The following EPHA4 variants were observed in gnomAD, a reference collection of about 807,000 sequenced individuals.
EPHA4 encodes ephrin type-A receptor 4.
A neutral mutation model predicts 108.3 loss-of-function variants in EPHA4; 19 were observed. That is an observed-to-expected ratio of 0.18 (90% confidence interval 0.12 to 0.26). EPHA4 has a LOEUF of 0.26. EPHA4 is among the 10% of genes least tolerant of loss of function. The pLI, the probability that EPHA4 is intolerant of heterozygous loss-of-function variation, is 1.00. For synonymous variants in EPHA4, 449 were observed against 455.5 expected, an observed-to-expected ratio of 0.99 and a Z score of 0.18; for missense variants, 917 against 1,254.0, an observed-to-expected ratio of 0.73 and a Z score of 4.06.
At chr2:221,526,308 T>C (rs1337452638) in intron 3 of EPHA4, among the ~76,000 whole-genome samples, 1 of 152,102 alleles carries the variant, frequency 6.6e-6, no homozygotes, top group Non-Finnish European at 1.5e-5. Flanking sequence ...CATTTTAAGC[T>C]ACGGAAACTG....
chr2:221,536,430 C>T (rs920886998), intron 3 of EPHA4, among the ~76,000 whole-genome samples: 10 of 152,202 alleles, frequency 6.6e-5, no homozygotes, highest in South Asian at 6.2e-4. Flanking sequence ...GATTACCGGC[C>T]TTACGATGCT....
At chr2:221,434,690 T>A (rs1189722384) in intron 13 of EPHA4, among the ~76,000 whole-genome samples, 1 of 152,212 alleles carries the variant, frequency 6.6e-6, no homozygotes, top group African/African-American at 2.4e-5. Flanking sequence ...ATGCTTACAC[T>A]GCTTCAAAAA....
At chr2:221,511,335 C>A (rs1427567069) in intron 3 of EPHA4, among the ~76,000 whole-genome samples, 5 of 152,154 alleles carry the variant, frequency 3.3e-5, no homozygotes, top group African/African-American at 1.2e-4. Flanking sequence ...TAGGAGTATG[C>A]ACCTATAACA....
At chr2:221,572,918 T>A (rs978268168), upstream of EPHA4, 13 of 152,414 alleles carry the variant, frequency 8.5e-5, no homozygotes, top group African/African-American at 3.1e-4. Context: ...CCCAGATGCC[T>A]GGAGAGCGGG....
chr2:221,543,011 A>G (rs1256914321), intron 3 of EPHA4, among the ~76,000 whole-genome samples: 3 of 152,158 alleles, frequency 2.0e-5, no homozygotes, highest in Non-Finnish European at 4.4e-5. Flanking sequence ...TAATGATCCT[A>G]TATGTATGCT....
chr2:221,550,177 G>T (rs896188595), intron 3 of EPHA4, among the ~76,000 whole-genome samples: 1 of 152,116 alleles, frequency 6.6e-6, no homozygotes, highest in Non-Finnish European at 1.5e-5. Context: ...ACTGAACAAG[G>T]TCTGAGAGAT....
intron 3 of EPHA4, among the ~76,000 whole-genome samples, chr2:221,536,721 G>A (rs1693682043): frequency 6.6e-6 from 1 of 152,170 alleles, no homozygotes; most frequent in Non-Finnish European, 1.5e-5. Flanking sequence ...ACAAAGATGT[G>A]CTGAAAAGCA....
In EPHA4 at chr2:221,542,734, C is replaced by T. The variant is rs983631095; in HGVS notation, c.823+20997G>A. ...GGAAAACTTGCAGTAGAGTTAGAGG[C>T]GATAATTTGCATCAGGAGACTAAAA... On this transcript the variant is annotated intron_variant, in intron 3 of 17. Coordinates refer to ENST00000281821, the MANE Select transcript of EPHA4 (RefSeq NM_004438.5). Among the ~76,000 whole-genome samples the T allele has an allele frequency of 4.6e-5, 7 of 152,098 alleles. No individual in the cohort carries two copies. In the East Asian group the frequency reaches 9.6e-4, roughly 21 times the overall value.
chr2:221,527,261 C>G (rs764539785), intron 3 of EPHA4, among the ~76,000 whole-genome samples: 4 of 152,180 alleles, frequency 2.6e-5, no homozygotes, highest in African/African-American at 9.7e-5. Context: ...TAACCCTGTT[C>G]GGCTCTTGAG....
At chr2:221,507,684 C>G (rs958486898) in intron 3 of EPHA4, among the ~76,000 whole-genome samples, 10 of 152,144 alleles carry the variant, frequency 6.6e-5, no homozygotes, top group African/African-American at 2.4e-4. Flanking sequence ...AAAGGGTTTA[C>G]TCTCAATCCC....
Position 221,448,285 on chromosome 2 carries a change from T to TA in EPHA4, c.1716-2105dup, listed in dbSNP as rs1380085068. ...GCAAGAGGATCACCACGTGCTCTCC[T>TA]AGCAAGTACAGGACTTTGTGAAAGC... On this transcript the variant is annotated intron_variant, in intron 8 of 17. Transcript: ENST00000281821. 2.6e-5 allele frequency among the ~76,000 whole-genome samples: 4 copies of TA among 152,112 alleles called. No individual in the cohort carries two copies. In the South Asian group the frequency reaches 8.3e-4, roughly 32 times the overall value.
chr2:221,501,064 C>T lies in EPHA4; in HGVS notation c.932G>A (p.Arg311Gln), dbSNP rs375924623. 80 of 1,612,908 alleles carry T rather than the reference C, an allele frequency of 5.0e-5. No homozygotes were observed. Among genetic ancestry groups the T allele is most frequent in the Non-Finnish European group, 6.4e-5 (75 of 1,179,512 alleles). The change falls in exon 4 of 18, where the codon CGA becomes CAA. Residue 311 changes from arginine to glutamine, a missense_variant. Transcript: ENST00000281821. ...WEGATSCTCD[R>Q]GFFRADNDAA... ...ATCGTTGTCAGCTCTGAAAAAGCCT[C>T]GGTCACAGGTGCACGAGGTGGCTCC...
intron 3 of EPHA4, among the ~76,000 whole-genome samples, chr2:221,547,814 T>C (rs1694044075): frequency 6.6e-6 from 1 of 152,140 alleles, no homozygotes; most frequent in Non-Finnish European, 1.5e-5. Context: ...CATCCATCAT[T>C]TCGTGCCCTG....
intron 3 of EPHA4, among the ~76,000 whole-genome samples, chr2:221,561,774 C>A (rs1694472876): frequency 6.6e-6 from 1 of 152,130 alleles, no homozygotes; most frequent in Non-Finnish European, 1.5e-5. Context: ...GTATGAGTTA[C>A]TAGGCTCTGT....
intron 8 of EPHA4, among the ~76,000 whole-genome samples, chr2:221,448,236 C>CTGGGG (rs1690657341): frequency 6.9e-6 from 1 of 145,766 alleles, no homozygotes; most frequent in South Asian, 2.2e-4. Context: ...GGACATGGAG[C>CTGGGG]TGGGGTGGGG....
At chr2:221,493,379 T>C (rs1559264831) in intron 4 of EPHA4, among the ~76,000 whole-genome samples, 1 of 151,890 alleles carries the variant, frequency 6.6e-6, no homozygotes, top group Non-Finnish European at 1.5e-5. Flanking sequence ...TTGAACAGAA[T>C]AACAGGGGCA....
intron 2 of EPHA4, among the ~76,000 whole-genome samples, 174 bp from the exon 3 acceptor site, chr2:221,564,568 T>C (rs185145119): frequency 1.3e-5 from 2 of 148,590 alleles, no homozygotes; most frequent in Admixed American, 6.9e-5. Context: ...CAATATTTTA[T>C]TGAGGAAGTT....
chr2:221,540,044 T>A (rs1419385064), intron 3 of EPHA4, among the ~76,000 whole-genome samples: 1 of 152,126 alleles, frequency 6.6e-6, no homozygotes, highest in Non-Finnish European at 1.5e-5. Context: ...CACAGACTCC[T>A]GAGTAGCTGG....
intron 5 of EPHA4, among the ~76,000 whole-genome samples, chr2:221,478,984 C>T (rs1164935111): frequency 6.6e-6 from 1 of 152,200 alleles, no homozygotes; most frequent in Admixed American, 6.5e-5. Context: ...TGTTTATTAA[C>T]CCCCTAAGAC....
Sources: allele counts gnomAD v4.1 joint callset (sites outside exome capture counted in the v4.1 genomes callset), GRCh38; gene constraint gnomAD v4.1.1; transcripts MANE v1.5; gene names NCBI Gene and HGNC (gene_info 2026-07-23, HGNC 2026-07-21).